Variants in CYFIP2 observed in about 807,000 individuals in gnomAD.
CYFIP2 encodes the protein cytoplasmic FMR1-interacting protein 2.
Under a neutral mutation model 158.7 loss-of-function variants are expected in CYFIP2, and 29 were observed. The observed-to-expected ratio is 0.18, with a 90% CI of 0.14 to 0.25. The LOEUF (loss-of-function observed/expected upper bound fraction) is 0.25. Ranked by LOEUF, CYFIP2 falls within the 10% of genes least tolerant of loss-of-function variation. The pLI, the probability that CYFIP2 is intolerant of heterozygous loss-of-function variation, is 1.00. For missense variants in CYFIP2, 852 were observed against 1,639.5 expected, an observed-to-expected ratio of 0.52 and a Z score of 8.29; for synonymous variants, 585 against 617.6, an observed-to-expected ratio of 0.95 and a Z score of 0.78.
chr5:157,359,254 T>G (rs1202354670), intron 24 of CYFIP2, 106 bp downstream of exon 24: 1 of 1,327,492 alleles, frequency 7.5e-7, no homozygotes, highest in East Asian at 2.4e-5. Context: ...TCCCAGGCAC[T>G]GCAGCTCTAC....
rs1314382996 is a variant in CYFIP2, at chr5:157,393,588, G to A, written c.*588G>A. 6.7e-6 allele frequency: 1 copy of A among 149,688 alleles called. No homozygotes were observed. Among genetic ancestry groups the A allele is most frequent in the Non-Finnish European group, 1.5e-5 (1 of 68,338 alleles). 9.3% of individuals were successfully genotyped at this position (149,688 alleles called of 1,614,324 possible). The stretch of plus-strand genomic sequence containing the variant: ...CCCCATTCTAACTCCCCTCTCTCAG[G>A]GAAGCCCTAGAGAGAGGTCCAAAAA... On this transcript the variant is annotated 3_prime_UTR_variant, in exon 31 of 31. Coordinates refer to ENST00000620254, the MANE Select transcript of CYFIP2 (RefSeq NM_001037333.3).
intron 8 of CYFIP2, among the ~76,000 whole-genome samples, chr5:157,305,214 T>A (rs1402942133): frequency 1.3e-5 from 2 of 152,218 alleles, no homozygotes; most frequent in Non-Finnish European, 2.9e-5. Context: ...GCTATAAACA[T>A]GTGTGCAAGT....
chr5:157,348,096 C>T (rs550515205), intron 23 of CYFIP2, among the ~76,000 whole-genome samples: 4 of 152,270 alleles, frequency 2.6e-5, no homozygotes, highest in Non-Finnish European at 5.9e-5. Context: ...AGCCTCTTCG[C>T]TCTCAGGCCA....
At chr5:157,278,468 G>T (rs1028170692) in intron 1 of CYFIP2, among the ~76,000 whole-genome samples, 6 of 152,194 alleles carry the variant, frequency 3.9e-5, no homozygotes, top group African/African-American at 1.4e-4. Flanking sequence ...AAAAGGCATA[G>T]AATTGGGAGT....
At chr5:157,385,871 C>A (rs999290522) in intron 28 of CYFIP2, among the ~76,000 whole-genome samples, 11 of 151,878 alleles carry the variant, frequency 7.2e-5, no homozygotes, top group African/African-American at 2.4e-5. Context: ...CCTTGTTAAA[C>A]TCACATAAGA....
At chr5:157,298,142 T>G (rs1758403714) in intron 5 of CYFIP2, among the ~76,000 whole-genome samples, 1 of 152,220 alleles carries the variant, frequency 6.6e-6, no homozygotes, top group Non-Finnish European at 1.5e-5. Flanking sequence ...TCTCTTTCTT[T>G]CTTGCTCTTT....
At chr5:157,384,716 G>C (rs534848172) in intron 28 of CYFIP2, 184 of 347,954 alleles carry the variant, frequency 5.3e-4, no homozygotes, top group Non-Finnish European at 9.0e-4. Context: ...GAGGCAGGCG[G>C]ATCACCTCAG....
chr5:157,320,537 C>G, intron 14 of CYFIP2, 118 bp from the exon 15 acceptor site: 1 of 1,324,902 alleles, frequency 7.5e-7, no homozygotes, highest in Admixed American at 2.4e-5. Context: ...GCTTTACAAG[C>G]ACCCCAAGAA....
Position 157,301,038 on chromosome 5 carries a change from C to T in CYFIP2, c.569+142C>T, listed in dbSNP as rs559368677. On this transcript the variant is annotated intron_variant, in intron 6 of 30. Transcript: ENST00000620254. ...TAGCCATCCCCCAAACATAGTGAGGCTTGGCCTGTTTCAGTGTGGTTTGAG... is the reference window on the plus strand; with the variant it reads ...TAGCCATCCCCCAAACATAGTGAGGTTTGGCCTGTTTCAGTGTGGTTTGAG... 1.9e-5 allele frequency: 13 copies of T among 700,642 alleles called. No individual in the cohort carries two copies. The South Asian group carries it at 3.3e-4, about 18-fold the overall frequency. The allele number at this position is 700,642 out of a possible 1,614,324, so 43.4% of individuals were successfully genotyped here.
At chr5:157,392,150 T>C (rs1767365166) in intron 30 of CYFIP2, among the ~76,000 whole-genome samples, 1 of 152,198 alleles carries the variant, frequency 6.6e-6, no homozygotes, top group African/African-American at 2.4e-5. Context: ...ATTCTAGATA[T>C]TACTTATCAG....
At chr5:157,344,590 C>T (rs1040241094) in intron 23 of CYFIP2, among the ~76,000 whole-genome samples, 2 of 152,208 alleles carry the variant, frequency 1.3e-5, no homozygotes, top group Non-Finnish European at 2.9e-5. Flanking sequence ...AGAGAGCCAT[C>T]TTCAAGTATT....
intron 19 of CYFIP2, 109 bp from the exon 20 acceptor site, chr5:157,330,632 TA>T: frequency 1.3e-6 from 1 of 789,314 alleles, no homozygotes; most frequent in East Asian, 2.7e-5. Flanking sequence ...TTAAGTTATA[TA>T]AGATAGTGCT....
At position 157,296,774 on chromosome 5, in the gene CYFIP2, G is replaced by A. The variant is rs1758288022; in HGVS notation, c.387G>A (p.Gln129=). The A allele has an allele frequency of 6.2e-7, 1 of 1,612,426 alleles. No individual in the cohort carries two copies. Among genetic ancestry groups the A allele is most frequent in the South Asian group, 1.1e-5 (1 of 91,016 alleles). The change falls in exon 5 of 31, where the codon CAG becomes CAA. Residue 129 remains glutamine (Q), a splice_region_variant and synonymous_variant. Coordinates refer to ENST00000620254, the MANE Select transcript of CYFIP2 (RefSeq NM_001037333.3). ...VTKLMKFMYF[Q]RKAIERFCSE... Reference sequence around the variant, plus strand: ...AGCTCATGAAGTTCATGTATTTTCAGGTGAGTGGGGAGGGGCAGGTCTGCA... The same window carrying A: ...AGCTCATGAAGTTCATGTATTTTCAAGTGAGTGGGGAGGGGCAGGTCTGCA...
At chr5:157,283,465 G>A (rs937306582) in intron 1 of CYFIP2, among the ~76,000 whole-genome samples, 1 of 151,976 alleles carries the variant, frequency 6.6e-6, no homozygotes, top group East Asian at 1.9e-4. Context: ...CAATGGATCA[G>A]TGAAGTGGTT....
At chr5:157,387,874 G>A (rs1291283796) in intron 28 of CYFIP2, among the ~76,000 whole-genome samples, 1 of 152,034 alleles carries the variant, frequency 6.6e-6, no homozygotes, top group African/African-American at 2.4e-5. Context: ...TCTTTCAGTT[G>A]GTAGTTGTCA....
intron 23 of CYFIP2, chr5:157,342,660 C>T (rs7715719): frequency 0.41 from 209,004 of 515,982 alleles, 46,060 homozygotes; most frequent in African/African-American, 0.71. Context: ...TGAGATGCCT[C>T]GTTTGTGCCT....
chr5:157,326,732 C>T (rs1034734554), intron 18 of CYFIP2, among the ~76,000 whole-genome samples: 1 of 152,170 alleles, frequency 6.6e-6, no homozygotes, highest in African/African-American at 2.4e-5. Flanking sequence ...GGCCTGAGTG[C>T]ACACGCCCAC....
At chr5:157,323,838 T>C in intron 15 of CYFIP2, 83 bp from the exon 16 acceptor site, 2 of 1,273,816 alleles carry the variant, frequency 1.6e-6, no homozygotes, top group South Asian at 2.0e-5. Context: ...AAAAAAAAAA[T>C]ACATAAATAC....
intron 1 of CYFIP2, among the ~76,000 whole-genome samples, chr5:157,277,892 G>A (rs1354676590): frequency 6.6e-6 from 1 of 152,134 alleles, no homozygotes; most frequent in Non-Finnish European, 1.5e-5. Flanking sequence ...TAGGCTATAT[G>A]GTATATAGCC....
Sources: gnomAD v4.1 joint callset for allele counts (sites outside exome capture counted in the v4.1 genomes callset) on GRCh38, gnomAD v4.1.1 for gene constraint, MANE v1.5 for transcripts, NCBI Gene and HGNC (gene_info 2026-07-23, HGNC 2026-07-21) for gene names.